DNAJB14: variants seen among roughly 807,000 people sequenced by gnomAD.
The protein encoded by DNAJB14 is dnaJ homolog subfamily B member 14.
DNAJB14 carries 22 observed loss-of-function variants against 48.4 expected under a neutral mutation model. That is an observed-to-expected ratio of 0.45 (90% CI 0.32 to 0.65). The LOEUF (loss-of-function observed/expected upper bound fraction) is 0.65. Among genes scored for constraint, DNAJB14 ranks in the 30% least tolerant of loss-of-function variants. DNAJB14 has a pLI of 0.03. For missense variants in DNAJB14, 319 were observed against 458.8 expected (o/e 0.70, Z 2.78); for synonymous variants, 142 against 158.7 (o/e 0.89, Z 0.79).
At chr4:99,936,742 GGCTC>G in intron 1 of DNAJB14, among the ~76,000 whole-genome samples, 1 of 152,064 alleles carries the variant, frequency 6.6e-6, no homozygotes, top group East Asian at 1.9e-4. Flanking sequence ...AGCCTGAAGG[GGCTC>G]GCACTAACTA....
At chr4:99,938,827 T>C (rs1202122033) in intron 1 of DNAJB14, among the ~76,000 whole-genome samples, 4 of 152,052 alleles carry the variant, frequency 2.6e-5, no homozygotes, top group African/African-American at 9.7e-5. Flanking sequence ...ACCAAAAACC[T>C]AAAAAATGAT....
intron 3 of DNAJB14, among the ~76,000 whole-genome samples, chr4:99,915,522 A>C (rs550787289): frequency 2.4e-4 from 36 of 152,330 alleles, no homozygotes; most frequent in Admixed American, 7.8e-4. Context: ...TTCAGTTTCC[A>C]AGGACTGGAC....
At chr4:99,924,115 AT>A (rs1726161249) in intron 2 of DNAJB14, among the ~76,000 whole-genome samples, 1 of 152,130 alleles carries the variant, frequency 6.6e-6, no homozygotes, top group African/African-American at 2.4e-5. Flanking sequence ...CAACCTAGTA[AT>A]TTACTTTCAC....
intron 3 of DNAJB14, among the ~76,000 whole-genome samples, chr4:99,911,104 A>T (rs1234164117): frequency 6.6e-6 from 1 of 152,132 alleles, no homozygotes; most frequent in Non-Finnish European, 1.5e-5. Context: ...AGAATATTAT[A>T]TTAATGAAAT....
chr4:99,926,526 A>G (rs992688402), intron 2 of DNAJB14: 3 of 152,184 alleles, frequency 2.0e-5, no homozygotes, highest in Admixed American at 2.0e-4. Flanking sequence ...AAGGTAAATT[A>G]AACACTGAAC....
In DNAJB14 at chr4:99,898,899, G is replaced by A. The variant is rs1483874569; in HGVS notation, c.*2129C>T. On this transcript the variant is annotated 3_prime_UTR_variant, in exon 8 of 8. Transcript: ENST00000442697. The stretch of plus-strand genomic sequence containing the variant: ...TGTTGAGCTTTTATACCATGATATA[G>A]ATGACATTAAGGACTGAATCTTTAC... 6.6e-6 allele frequency: 1 copy of A among 151,880 alleles called. No homozygotes were observed. The highest frequency in any genetic ancestry group is 2.4e-5 in the African/African-American group (1 of 41,400). The allele number at this position is 151,880 out of a possible 1,614,324, so 9.4% of individuals were successfully genotyped here.
intron 1 of DNAJB14, among the ~76,000 whole-genome samples, chr4:99,934,838 C>T (rs2110219577): frequency 7.9e-6 from 1 of 126,292 alleles, no homozygotes; most frequent in Non-Finnish European, 1.7e-5. Context: ...AAAATTATCT[C>T]TCAAAAACTT....
Position 99,903,706 on chromosome 4 carries a change from T to C in DNAJB14, c.1015+20A>G. On this transcript the variant is annotated intron_variant, in intron 7 of 7. Transcript: ENST00000442697. ...AGACTGCGAATAAGTTTTAAAATGT[T>C]AAACACATGACAAACTTACTTTGTT... 6.3e-7 allele frequency: 1 copy of C among 1,598,022 alleles called. No homozygotes were observed. The highest frequency in any genetic ancestry group is 1.4e-5 in the African/African-American group (1 of 73,776).
intron 1 of DNAJB14, among the ~76,000 whole-genome samples, chr4:99,945,478 G>C (rs1243918783): frequency 1.3e-5 from 2 of 152,172 alleles, no homozygotes; most frequent in African/African-American, 2.4e-5. Context: ...AGCGGTTAAA[G>C]GCCTTTTCGA....
intron 1 of DNAJB14, chr4:99,941,944 C>T (rs1478020591): frequency 1.3e-5 from 2 of 151,940 alleles, no homozygotes; most frequent in East Asian, 3.8e-4. Context: ...TTGTACTTGT[C>T]ACTAAATTTC....
intron 2 of DNAJB14, chr4:99,928,983 G>C (rs1405398370): frequency 6.5e-6 from 1 of 152,988 alleles, no homozygotes; most frequent in African/African-American, 2.4e-5. Context: ...AGTACTATAA[G>C]TATAAAAATG....
intron 4 of DNAJB14, among the ~76,000 whole-genome samples, chr4:99,907,520 T>C (rs1434146471): frequency 2.6e-5 from 4 of 151,530 alleles, no homozygotes; most frequent in African/African-American, 9.7e-5. Flanking sequence ...ACAAAAAAGT[T>C]TTAAAAAAAT....
chr4:99,911,287 A>G (rs1725651141), intron 3 of DNAJB14, among the ~76,000 whole-genome samples: 1 of 152,142 alleles, frequency 6.6e-6, no homozygotes, highest in Admixed American at 6.6e-5. Context: ...CTGTTTAACC[A>G]TTTACCACTG....
chr4:99,909,188 C>G (rs1348428030), intron 3 of DNAJB14, among the ~76,000 whole-genome samples: 1 of 151,954 alleles, frequency 6.6e-6, no homozygotes, highest in African/African-American at 2.4e-5. Context: ...AGCCATTCTT[C>G]AAGTGGTTTA....
chr4:99,934,661 C>T (rs1726600478), intron 1 of DNAJB14, among the ~76,000 whole-genome samples: 1 of 150,824 alleles, frequency 6.6e-6, no homozygotes, highest in African/African-American at 2.4e-5. Context: ...GGCGTGATGA[C>T]CAGTGCCTGT....
chr4:99,934,120 T>G (rs1726580689), intron 1 of DNAJB14, among the ~76,000 whole-genome samples: 1 of 151,368 alleles, frequency 6.6e-6, no homozygotes, highest in African/African-American at 2.4e-5. Flanking sequence ...AAGAAACTCC[T>G]GGGAACAGGA....
chr4:99,935,756 G>A (rs1346575201), intron 1 of DNAJB14, among the ~76,000 whole-genome samples: 1 of 152,126 alleles, frequency 6.6e-6, no homozygotes, highest in Non-Finnish European at 1.5e-5. Flanking sequence ...CTGAACCAAG[G>A]AAGCTTATTG....
At chr4:99,930,297 T>G in intron 2 of DNAJB14, 153 bp downstream of exon 2, 1 of 648,204 alleles carries the variant, frequency 1.5e-6, no homozygotes, top group East Asian at 3.1e-5. Context: ...ACAGACCAGT[T>G]TTATAAAGAA....
chr4:99,900,144 T>A lies in DNAJB14; in HGVS notation c.*884A>T, dbSNP rs1725247908. ...TAAATGATCACCAAGAAACTGCAAA[T>A]TTCTATGGGGGAAAATGTGAGTCCT... On this transcript the variant is annotated 3_prime_UTR_variant, in exon 8 of 8. Transcript: ENST00000442697. The A allele has an allele frequency of 6.6e-6, 1 of 152,396 alleles. No individual in the cohort carries two copies. Among genetic ancestry groups the A allele is most frequent in the Non-Finnish European group, 1.5e-5 (1 of 67,866 alleles). The allele number at this position is 152,396 out of a possible 1,614,324, so 9.4% of individuals were successfully genotyped here.
Sources: allele counts gnomAD v4.1 joint callset (sites outside exome capture counted in the v4.1 genomes callset), GRCh38; gene constraint gnomAD v4.1.1; transcripts MANE v1.5; gene names NCBI Gene and HGNC (gene_info 2026-07-23, HGNC 2026-07-21).